VPS16: variants seen among roughly 807,000 people sequenced by gnomAD.
The protein encoded by VPS16 is vacuolar protein sorting-associated protein 16 homolog.
VPS16 carries 82 observed loss-of-function variants against 116.0 expected under a neutral mutation model. That is an observed-to-expected ratio of 0.71 (90% CI 0.59 to 0.85). The LOEUF (loss-of-function observed/expected upper bound fraction) is 0.85. Ranked by LOEUF, VPS16 falls within the 40% of genes least tolerant of loss-of-function variation. The pLI, the probability that VPS16 is intolerant of heterozygous loss-of-function variation, is 0.00. For synonymous variants in VPS16, 406 were observed against 420.7 expected, an observed-to-expected ratio of 0.96 and a Z score of 0.43; for missense variants, 928 against 1,090.6, an observed-to-expected ratio of 0.85 and a Z score of 2.10.
chr20:2,845,706 A>G (rs899314424), intron 1 of VPS16, among the ~76,000 whole-genome samples: 3 of 152,052 alleles, frequency 2.0e-5, no homozygotes, highest in Admixed American at 6.6e-5. Context: ...TTGTTGTGCA[A>G]CCAGTCTCCA....
rs996753876 is a variant in VPS16 at position 2,865,354 on chromosome 20, C to T, written c.2174+37C>T. The T allele has an allele frequency of 6.2e-7, 1 of 1,613,796 alleles. No individual in the cohort carries two copies. On this transcript the variant is annotated intron_variant, in intron 21 of 23. Transcript: ENST00000380445. This position sits in a 1 kb window ranked among gnomAD's most constrained non-coding sequence, Gnocchi z 5.2. ...CCCAGGCTGCATGTGGGTCCCAGGA[C>T]CACCTGCCTCTCCTGCAACACCTCC...
In VPS16 at chr20:2,863,330, T is replaced by G. The variant is rs202157694; in HGVS notation, c.1408T>G (p.Cys470Gly). 3.4e-5 allele frequency: 55 copies of G among 1,614,206 alleles called. No homozygotes were observed. The East Asian group carries it at 8.7e-4, about 26-fold the overall frequency. Reference sequence around the variant, plus strand: ...ACTTTACCCCCTGGCCATCCAGATATGCGAGTACTTGCGCCTTCCTGAAGT... The same window carrying G: ...ACTTTACCCCCTGGCCATCCAGATAGGCGAGTACTTGCGCCTTCCTGAAGT... ...RRLYPLAIQI[C>G]EYLRLPEVQG... Residue 470 changes from cysteine (C) to glycine (G), a missense_variant, in exon 15 of 24, where the codon TGC becomes GGC. By Grantham distance (159) the Cys-to-Gly change is radical. Transcript: ENST00000380445. The surrounding 1 kb of genome is among the most constrained non-coding windows in gnomAD (Gnocchi z 4.4).
intron 1 of VPS16, among the ~76,000 whole-genome samples, chr20:2,850,442 G>A (rs954960403): frequency 2.0e-5 from 3 of 152,042 alleles, no homozygotes; most frequent in East Asian, 1.9e-4. Context: ...TCTGGCCAAC[G>A]TGGTGAAACC....
At position 2,860,321 on chromosome 20, in the gene VPS16, T is replaced by C. The variant is rs943998744; in HGVS notation, c.323T>C (p.Val108Ala). ...LCVQEDGAVL[V>A]YGLHGDFRRH... ...GTGCAGGAAGATGGTGCTGTACTGG[T>C]TTATGGGCTTCATGGTGACTTCCGG... Residue 108 changes from valine (V) to alanine (A), a missense_variant, in exon 4 of 24, where the codon GTT becomes GCT. Coordinates refer to ENST00000380445, the MANE Select transcript of VPS16 (RefSeq NM_022575.4). This position sits in a 1 kb window ranked among gnomAD's most constrained non-coding sequence, Gnocchi z 6.1. The C allele has an allele frequency of 1.2e-6, 2 of 1,613,880 alleles. No homozygotes were observed. Among genetic ancestry groups the C allele is most frequent in the Non-Finnish European group, 1.7e-6 (2 of 1,179,938 alleles).
chr20:2,859,521 G>A lies in VPS16; in HGVS notation c.54-198G>A, dbSNP rs141372842. ...GCCAACACCCTCTGCTCCCTTGCCT[G>A]CTGTCCCTAGACATGCATGTGGTCA... On this transcript the variant is annotated intron_variant, in intron 1 of 23. Transcript: ENST00000380445. 4.6e-5 allele frequency among the ~76,000 whole-genome samples: 7 copies of A among 152,290 alleles called. No individual in the cohort carries two copies. In the East Asian group the frequency reaches 1.2e-3, roughly 25 times the overall value.
In VPS16 at chr20:2,865,484, A is replaced by T; in HGVS notation, c.2260A>T (p.Ile754Phe). ...EKFSKSKKSP[I>F]GYLPFVEICM... ...GTTTTCCAAGAGCAAGAAATCACCC[A>T]TTGGCTACCTGGTGAGGCAGGGTCC... Residue 754 changes from isoleucine to phenylalanine, a missense_variant, in exon 22 of 24, where the codon ATT becomes TTT. By Grantham distance (21) the Ile-to-Phe change is conservative. Transcript: ENST00000380445. This position sits in a 1 kb window ranked among gnomAD's most constrained non-coding sequence, Gnocchi z 5.2. 1.2e-6 allele frequency: 2 copies of T among 1,613,838 alleles called. No individual in the cohort carries two copies. Among genetic ancestry groups the T allele is most frequent in the East Asian group, 4.5e-5 (2 of 44,886 alleles).
Position 2,864,942 on chromosome 20 carries a change from T to G in VPS16, c.1927-36T>G. Reference sequence around the variant, plus strand: ...GGGTGAGGAGGGCGAGGGTCCTGCATGCTGTGAGTTCAGGCCTTCCTTCTT... The same window carrying G: ...GGGTGAGGAGGGCGAGGGTCCTGCAGGCTGTGAGTTCAGGCCTTCCTTCTT... On this transcript the variant is annotated intron_variant, in intron 19 of 23. Transcript: ENST00000380445. This position sits in a 1 kb window ranked among gnomAD's most constrained non-coding sequence, Gnocchi z 5.2. 1 of 1,613,526 alleles carries G rather than the reference T, an allele frequency of 6.2e-7. No individual in the cohort carries two copies. The highest frequency in any genetic ancestry group is 8.5e-7 in the Non-Finnish European group (1 of 1,179,562).
In VPS16 at chr20:2,842,789, TATAG is replaced by T. The variant is rs1254933625; in HGVS notation, c.53+1968_53+1971del. Among the ~76,000 whole-genome samples, 2 of 2,306 alleles carry T rather than the reference TATAG, an allele frequency of 8.7e-4. 1 individual carries two copies. Among genetic ancestry groups the T allele is most frequent in the Non-Finnish European group, 1.9e-3 (2 of 1,052 alleles). 1.5% of individuals were successfully genotyped at this position (2,306 alleles called of 152,430 possible). On this transcript the variant is annotated intron_variant, in intron 1 of 23. Coordinates refer to ENST00000380445, the MANE Select transcript of VPS16 (RefSeq NM_022575.4). ...AGATAGACATATAGATGTATCTATC[TATAG>T]ATAGACATATAGATGTATCTATCTA...
chr20:2,852,292 C>T (rs1053711730), intron 1 of VPS16, among the ~76,000 whole-genome samples: 2 of 152,048 alleles, frequency 1.3e-5, no homozygotes, highest in African/African-American at 4.8e-5. Context: ...GTCCTTCCAG[C>T]GCCCTCTGCT....
chr20:2,862,785 A>G (rs367807650), intron 12 of VPS16, 22 bp from the exon 13 acceptor site: 12 of 1,613,462 alleles, frequency 7.4e-6, no homozygotes, highest in South Asian at 1.1e-5. Context: ...GCTCTCTCCT[A>G]TCGCCCTCTG....
chr20:2,862,456 G>A, intron 11 of VPS16, 123 bp from the exon 12 acceptor site: 2 of 1,489,654 alleles, frequency 1.3e-6, no homozygotes, highest in Non-Finnish European at 1.8e-6. Flanking sequence ...TGAGGGAGTT[G>A]GGGCTCCAGC....
chr20:2,846,690 C>A lies in VPS16; in HGVS notation c.53+5863C>A, dbSNP rs558110226. Among the ~76,000 whole-genome samples the A allele has an allele frequency of 4.6e-5, 7 of 152,248 alleles. No individual in the cohort carries two copies. The East Asian group carries it at 9.7e-4, about 21-fold the overall frequency. On this transcript the variant is annotated intron_variant, in intron 1 of 23. Transcript: ENST00000380445. ...CCAGATTATACCTAACATGCATCTT[C>A]CTCCCTAGTGGTCTGATATCTTAGC...
At position 2,840,914 on chromosome 20, in the gene VPS16, C is replaced by T. The variant is rs541974761; in HGVS notation, c.53+87C>T. 738 of 1,326,554 alleles carry T rather than the reference C, an allele frequency of 5.6e-4. 6 individuals carry two copies. The South Asian group carries it at 5.8e-3, about 10-fold the overall frequency. The allele number at this position is 1,326,554 out of a possible 1,614,324, so 82.2% of individuals were successfully genotyped here. On this transcript the variant is annotated intron_variant, in intron 1 of 23. Transcript: ENST00000380445. ...CTCCCGGCGGCGTTCGCCCCTGTCA[C>T]TACTGGCGCTGGGGTCCGCCCCGCG... is the stretch of plus-strand genomic sequence containing the variant.
Position 2,864,032 on chromosome 20 carries a change from C to T in VPS16, c.1560C>T (p.Ser520=), listed in dbSNP as rs779964896. 3.3e-5 allele frequency: 53 copies of T among 1,613,986 alleles called. 1 individual carries two copies. In the South Asian group the frequency reaches 4.6e-4, roughly 14 times the overall value. ...KLGDTPGVSY[S]DIAARAYGCG... is the part of the protein sequence containing the mutation. The stretch of plus-strand genomic sequence containing the variant: ...GGGACACGCCTGGTGTCTCTTACTC[C>T]GACATTGCTGCACGAGCCTATGGTT... Residue 520 remains serine (S), a synonymous_variant, in exon 16 of 24, where the codon TCC becomes TCT. Transcript: ENST00000380445. The surrounding 1 kb of genome is among the most constrained non-coding windows in gnomAD (Gnocchi z 5.2).
chr20:2,862,360 GGGA>G (rs2089239742), intron 11 of VPS16: 2 of 1,070,772 alleles, frequency 1.9e-6, no homozygotes, highest in Non-Finnish European at 2.6e-6. Flanking sequence ...GGTTACTATT[GGGA>G]GGAGTTCTCA....
chr20:2,864,982 T>C lies in VPS16; in HGVS notation c.1931T>C (p.Ile644Thr), dbSNP rs745593455. 54 of 1,614,016 alleles carry C rather than the reference T, an allele frequency of 3.3e-5. No homozygotes were observed. Among genetic ancestry groups the C allele is most frequent in the Admixed American group, 1.7e-5 (1 of 60,002 alleles). Reference protein sequence around the residue: ...IRASYAAEERIEGRVAALQTA... With the variant: ...IRASYAAEERTEGRVAALQTA... The stretch of plus-strand genomic sequence containing the variant: ...CCTTCCTTCTTGTCTTTATAGCGTA[T>C]TGAGGGGCGAGTAGCAGCTCTGCAG... The change falls in exon 20 of 24, where the codon ATT (isoleucine) becomes ACT (threonine). Residue 644 changes from isoleucine to threonine, a missense_variant. By Grantham distance (89) the Ile-to-Thr change is moderately conservative. Coordinates refer to ENST00000380445, the MANE Select transcript of VPS16 (RefSeq NM_022575.4). This position sits in a 1 kb window ranked among gnomAD's most constrained non-coding sequence, Gnocchi z 5.2.
At chr20:2,858,436 T>C (rs1203554221) in intron 1 of VPS16, among the ~76,000 whole-genome samples, 2 of 152,190 alleles carry the variant, frequency 1.3e-5, no homozygotes, top group Admixed American at 1.3e-4. Context: ...ACAATCACAT[T>C]ATTTGCAAAT....
At chr20:2,855,729 G>A (rs1325876563) in intron 1 of VPS16, among the ~76,000 whole-genome samples, 1 of 152,200 alleles carries the variant, frequency 6.6e-6, no homozygotes, top group Admixed American at 6.5e-5. Context: ...TTACATTACA[G>A]AGATGGCTTT....
chr20:2,858,463 C>G (rs1464666681), intron 1 of VPS16, among the ~76,000 whole-genome samples: 3 of 152,092 alleles, frequency 2.0e-5, no homozygotes, highest in Non-Finnish European at 4.4e-5. Context: ...AACTCTGCTC[C>G]TTCATCAAAA....
Sources: allele counts gnomAD v4.1 joint callset (sites outside exome capture counted in the v4.1 genomes callset), GRCh38; gene constraint gnomAD v4.1.1; non-coding constraint Gnocchi (gnomAD v3.1); transcripts MANE v1.5; gene names NCBI Gene and HGNC (gene_info 2026-07-23, HGNC 2026-07-21).